Variants in JMJD1C observed in about 807,000 individuals in gnomAD.
JMJD1C encodes jumonji domain containing 1C, also known as jumonji domain-containing protein 1C.
A neutral mutation model predicts 245.3 loss-of-function variants in JMJD1C; 31 were observed. That is an observed-to-expected ratio of 0.13 (90% CI 0.09 to 0.17). The LOEUF (loss-of-function observed/expected upper bound fraction) is 0.17, where lower values mean the gene tolerates loss of function less well. JMJD1C is among the 10% of genes least tolerant of loss of function. The pLI is 1.00. For missense variants in JMJD1C, 2,691 were observed against 3,000.2 expected, an observed-to-expected ratio of 0.90 and a Z score of 2.41; for synonymous variants, 1,057 against 1,017.4, an observed-to-expected ratio of 1.04 and a Z score of -0.74.
At chr10:63,201,300 A>C (rs529566937) in intron 10 of JMJD1C, among the ~76,000 whole-genome samples, 1 of 152,298 alleles carries the variant, frequency 6.6e-6, no homozygotes, top group African/African-American at 2.4e-5. Context: ...CAACATACTG[A>C]TGGTGGCAGT....
At chr10:63,299,131 T>C (rs1410676671) in intron 2 of JMJD1C, among the ~76,000 whole-genome samples, 1 of 152,192 alleles carries the variant, frequency 6.6e-6, no homozygotes, top group Non-Finnish European at 1.5e-5. Flanking sequence ...CTGTATAATA[T>C]GAAAAGTTTA....
intron 1 of JMJD1C, among the ~76,000 whole-genome samples, chr10:63,412,809 A>G (rs1222018506): frequency 6.6e-6 from 1 of 152,202 alleles, no homozygotes; most frequent in Admixed American, 6.5e-5. Flanking sequence ...AATTTTTAAA[A>G]ATATTTCTAG....
At chr10:63,457,697 A>G (rs1356282291) in intron 1 of JMJD1C, among the ~76,000 whole-genome samples, 3 of 152,236 alleles carry the variant, frequency 2.0e-5, no homozygotes, top group Admixed American at 2.0e-4. Flanking sequence ...CATTACAGTT[A>G]AAGGGAATTT....
intron 1 of JMJD1C, among the ~76,000 whole-genome samples, chr10:63,413,967 A>G (rs1050124520): frequency 6.6e-6 from 1 of 151,848 alleles, no homozygotes. Flanking sequence ...TGGATTTCTT[A>G]AAAGTATGCT....
chr10:63,356,541 A>C (rs191594082), intron 2 of JMJD1C, among the ~76,000 whole-genome samples: 4 of 152,206 alleles, frequency 2.6e-5, no homozygotes, highest in Non-Finnish European at 5.9e-5. Flanking sequence ...GATTTAGGAG[A>C]TATTACAATG....
intron 3 of JMJD1C, among the ~76,000 whole-genome samples, chr10:63,244,410 T>G (rs1380809793): frequency 6.6e-6 from 1 of 152,054 alleles, no homozygotes; most frequent in Admixed American, 6.6e-5. Context: ...AAAGGTAAAT[T>G]ATTTAAAAAG....
At chr10:63,193,513 G>A in intron 14 of JMJD1C, 41 bp from the exon 15 acceptor site, 1 of 1,447,806 alleles carries the variant, frequency 6.9e-7, no homozygotes, top group Non-Finnish European at 9.4e-7. Context: ...ATTACCACTA[G>A]TTGTTAATGC....
At chr10:63,294,979 G>A (rs948810676) in intron 2 of JMJD1C, among the ~76,000 whole-genome samples, 1 of 151,950 alleles carries the variant, frequency 6.6e-6, no homozygotes, top group African/African-American at 2.4e-5. Context: ...AGTTTTTTAT[G>A]AGGAAATTAT....
chr10:63,239,771 G>A (rs1851254875), intron 3 of JMJD1C, among the ~76,000 whole-genome samples: 1 of 152,068 alleles, frequency 6.6e-6, no homozygotes, highest in African/African-American at 2.4e-5. Context: ...GTGACAAACT[G>A]GCATAGATGT....
intron 1 of JMJD1C, among the ~76,000 whole-genome samples, chr10:63,382,247 T>C (rs1221539986): frequency 6.6e-6 from 1 of 152,128 alleles, no homozygotes; most frequent in Non-Finnish European, 1.5e-5. Flanking sequence ...AAATACTTCA[T>C]ATTTTGCAAA....
chr10:63,249,872 AG>A (rs1237957560), intron 3 of JMJD1C, among the ~76,000 whole-genome samples: 1 of 151,928 alleles, frequency 6.6e-6, no homozygotes, highest in African/African-American at 2.4e-5. Context: ...AAAAAAAAAA[AG>A]AAAAAAGAAA....
At chr10:63,250,582 A>G (rs1033529859) in intron 3 of JMJD1C, among the ~76,000 whole-genome samples, 13 of 152,220 alleles carry the variant, frequency 8.5e-5, no homozygotes, top group African/African-American at 2.7e-4. Context: ...TATGCAATAA[A>G]TATTAAGAAA....
At chr10:63,218,141 T>C (rs577755385) in intron 4 of JMJD1C, among the ~76,000 whole-genome samples, 80 of 152,194 alleles carry the variant, frequency 5.3e-4, no homozygotes, top group African/African-American at 1.9e-3. Flanking sequence ...TTCAAGTGCT[T>C]ATTTAATTCT....
intron 3 of JMJD1C, among the ~76,000 whole-genome samples, chr10:63,253,379 T>C (rs952740907): frequency 6.6e-6 from 1 of 151,464 alleles, no homozygotes; most frequent in Non-Finnish European, 1.5e-5. Context: ...TGGACCTTTA[T>C]ATTACACCTT....
intron 2 of JMJD1C, among the ~76,000 whole-genome samples, chr10:63,322,734 C>T (rs1589475079): frequency 7.3e-6 from 1 of 137,486 alleles, no homozygotes; most frequent in Middle Eastern, 4.7e-3. Context: ...ACCTGGAAGG[C>T]AGAGGTTGCA....
At chr10:63,269,261 G>A (rs1026812513) in intron 2 of JMJD1C, 6 of 959,476 alleles carry the variant, frequency 6.3e-6, no homozygotes, top group African/African-American at 5.3e-5. Flanking sequence ...GGGAAGAGGC[G>A]GTGCTCTGTA....
chr10:63,173,215 T>C (rs1195482192), intron 24 of JMJD1C, among the ~76,000 whole-genome samples: 2 of 152,176 alleles, frequency 1.3e-5, no homozygotes, highest in African/African-American at 2.4e-5. Flanking sequence ...AACAGCCAAA[T>C]GCCCATATGC....
chr10:63,393,713 A>G (rs576185464), intron 1 of JMJD1C, among the ~76,000 whole-genome samples: 3 of 152,296 alleles, frequency 2.0e-5, no homozygotes, highest in African/African-American at 4.8e-5. Context: ...TTCTTCATCT[A>G]CTCAACTATT....
chr10:63,406,604 G>T (rs938757264), intron 1 of JMJD1C, among the ~76,000 whole-genome samples: 1 of 85,178 alleles, frequency 1.2e-5, no homozygotes, highest in Non-Finnish European at 3.8e-5. Flanking sequence ...TTTTTAGGTA[G>T]GCTAGTATAA....
Sources: allele counts gnomAD v4.1 joint callset (sites outside exome capture counted in the v4.1 genomes callset), GRCh38; gene constraint gnomAD v4.1.1; transcripts MANE v1.5; gene names NCBI Gene and HGNC (gene_info 2026-07-23, HGNC 2026-07-21).